The following PTPRR variants were observed in gnomAD, a reference collection of about 807,000 sequenced individuals.
PTPRR encodes protein tyrosine phosphatase receptor type R.
In PTPRR, 38 loss-of-function variants were observed where a neutral mutation model predicts 77.2. The observed-to-expected ratio is 0.49, with a 90% CI of 0.38 to 0.65. The LOEUF (loss-of-function observed/expected upper bound fraction) is 0.65. Ranked by LOEUF, PTPRR falls within the 30% of genes least tolerant of loss-of-function variation. The pLI, the probability that PTPRR is intolerant of heterozygous loss-of-function variation, is 0.00. For synonymous variants in PTPRR, 299 were observed against 283.1 expected (o/e 1.06, Z -0.57); for missense variants, 744 against 799.2 (o/e 0.93, Z 0.83).
intron 2 of PTPRR, among the ~76,000 whole-genome samples, chr12:70,837,245 A>G (rs1412326753): frequency 6.6e-6 from 1 of 152,080 alleles, no homozygotes; most frequent in Non-Finnish European, 1.5e-5. Flanking sequence ...CCTCACATCC[A>G]TGGATGTGGC....
chr12:70,773,739 T>C (rs1348837161), intron 2 of PTPRR, among the ~76,000 whole-genome samples: 1 of 152,242 alleles, frequency 6.6e-6, no homozygotes, highest in African/African-American at 2.4e-5. Flanking sequence ...CTTAACAGAA[T>C]GTTATCTTCT....
chr12:70,851,928 C>A (rs1351997479), intron 2 of PTPRR, among the ~76,000 whole-genome samples: 1 of 152,028 alleles, frequency 6.6e-6, no homozygotes, highest in African/African-American at 2.4e-5. Flanking sequence ...TTTTTACTTT[C>A]TTTTCATTAT....
At chr12:70,655,308 T>C (rs1216548727) in intron 13 of PTPRR, among the ~76,000 whole-genome samples, 1 of 152,230 alleles carries the variant, frequency 6.6e-6, no homozygotes, top group Non-Finnish European at 1.5e-5. Context: ...TGTAAAACAG[T>C]GCAGCCACTG....
At chr12:70,910,874 T>G (rs1379083453) in intron 1 of PTPRR, among the ~76,000 whole-genome samples, 3 of 152,164 alleles carry the variant, frequency 2.0e-5, no homozygotes, top group Non-Finnish European at 4.4e-5. Flanking sequence ...AGCTGCCAGA[T>G]GTGTCTCTGG....
chr12:70,790,247 G>C (rs1188305193), intron 2 of PTPRR, among the ~76,000 whole-genome samples: 1 of 151,670 alleles, frequency 6.6e-6, no homozygotes, highest in Non-Finnish European at 1.5e-5. Flanking sequence ...TTCTAATAAC[G>C]CTTTCCACCT....
chr12:70,892,952 A>G lies in PTPRR; in HGVS notation c.84T>C (p.His28=). The change falls in exon 2 of 14, where the codon CAT becomes CAC. Residue 28 remains histidine, a synonymous_variant. Transcript: ENST00000283228. ...TCTTCTTCTGATTAATTGCCAAAAA[A>G]TGATCATTGTTTCCTGAAAAGCACC... ...AAGCFSGNND[H]FLAINQKKSG... The G allele has an allele frequency of 1.9e-6, 3 of 1,612,924 alleles. No homozygotes were observed. The African/African-American group carries it at 4.0e-5, about 22-fold the overall frequency.
chr12:70,795,957 C>T (rs1592762227), intron 2 of PTPRR, among the ~76,000 whole-genome samples: 1 of 107,604 alleles, frequency 9.3e-6, no homozygotes, highest in African/African-American at 3.4e-5. Context: ...AGAGTCTTGC[C>T]CTGTGACCCA....
intron 2 of PTPRR, among the ~76,000 whole-genome samples, chr12:70,835,534 T>C (rs1352889009): frequency 6.6e-6 from 1 of 152,086 alleles, no homozygotes; most frequent in South Asian, 2.1e-4. Context: ...TCATGAGATA[T>C]TGTTACACTG....
At chr12:70,825,693 G>A (rs1014335300) in intron 2 of PTPRR, among the ~76,000 whole-genome samples, 1 of 152,168 alleles carries the variant, frequency 6.6e-6, no homozygotes, top group Non-Finnish European at 1.5e-5. Flanking sequence ...CTGTTGCACG[G>A]TGCTCCCTTG....
intron 2 of PTPRR, among the ~76,000 whole-genome samples, chr12:70,804,558 A>AG (rs1191653025): frequency 2.6e-5 from 4 of 152,126 alleles, no homozygotes; most frequent in Non-Finnish European, 5.9e-5. Flanking sequence ...GAAAAAAAAA[A>AG]GAAGACTCCT....
At chr12:70,686,747 T>C (rs1887884860) in intron 8 of PTPRR, among the ~76,000 whole-genome samples, 1 of 152,050 alleles carries the variant, frequency 6.6e-6, no homozygotes, top group African/African-American at 2.4e-5. Flanking sequence ...TAGAAGCAGA[T>C]CCCTCAGTGC....
At chr12:70,789,491 G>A (rs968311073) in intron 2 of PTPRR, among the ~76,000 whole-genome samples, 3 of 151,842 alleles carry the variant, frequency 2.0e-5, no homozygotes, top group African/African-American at 7.3e-5. Flanking sequence ...AACTAATCTG[G>A]GATTCAAATA....
rs143655234 is a variant in PTPRR at position 70,778,791 on chromosome 12, A to G, written c.358-14013T>C. Among the ~76,000 whole-genome samples the G allele has an allele frequency of 5.7e-4, 87 of 152,302 alleles. 1 individual carries two copies. Among genetic ancestry groups the G allele is most frequent in the Middle Eastern group, 6.8e-3 (2 of 294 alleles). Reference sequence around the variant, plus strand: ...ATGGACTGTCTTGATTGCATCAGACAGGAGATGACACAAAACTTGTGTTTA... The same window carrying G: ...ATGGACTGTCTTGATTGCATCAGACGGGAGATGACACAAAACTTGTGTTTA... On this transcript the variant is annotated intron_variant, in intron 2 of 13. Coordinates refer to ENST00000283228, the MANE Select transcript of PTPRR (RefSeq NM_002849.4).
chr12:70,680,258 T>C (rs1416768038), intron 10 of PTPRR, among the ~76,000 whole-genome samples: 1 of 152,224 alleles, frequency 6.6e-6, no homozygotes, highest in Non-Finnish European at 1.5e-5. Context: ...GGTCAGTTAC[T>C]GGAGGATTCT....
chr12:70,764,740 C>T lies in PTPRR; in HGVS notation c.396G>A (p.Leu132=). 6.2e-7 allele frequency: 1 copy of T among 1,614,114 alleles called. No individual in the cohort carries two copies. The part of the protein sequence containing the change: ...QMDVNKLNIT[L]LRIFRQGVAA... ...CCACTCCTTGGCGGAAGATCCGAAGCAAGGTTATGTTCAGCTTGTTTACAT... is the reference window on the plus strand; with the variant it reads ...CCACTCCTTGGCGGAAGATCCGAAGTAAGGTTATGTTCAGCTTGTTTACAT... Residue 132 remains leucine (L), a synonymous_variant, in exon 3 of 14, where the codon TTG becomes TTA. Coordinates refer to ENST00000283228, the MANE Select transcript of PTPRR (RefSeq NM_002849.4).
At chr12:70,680,379 AC>A (rs1203459327) in intron 10 of PTPRR, among the ~76,000 whole-genome samples, 2 of 152,104 alleles carry the variant, frequency 1.3e-5, no homozygotes, top group African/African-American at 4.8e-5. Context: ...TTATGGAGTG[AC>A]TTTTGAAGGG....
At chr12:70,828,928 CCTT>C (rs1246326702) in intron 2 of PTPRR, among the ~76,000 whole-genome samples, 1 of 152,092 alleles carries the variant, frequency 6.6e-6, no homozygotes, top group Non-Finnish European at 1.5e-5. Flanking sequence ...TTACTGCAAA[CCTT>C]CTATATTCCA....
chr12:70,919,384 G>GC (rs1206976759), intron 1 of PTPRR, among the ~76,000 whole-genome samples: 1 of 152,124 alleles, frequency 6.6e-6, no homozygotes, highest in Non-Finnish European at 1.5e-5. Context: ...AAATCTCCCT[G>GC]CCATATTTTA....
chr12:70,860,118 T>A lies in PTPRR; in HGVS notation c.357+32561A>T, dbSNP rs114912029. Among the ~76,000 whole-genome samples, 784 of 152,180 alleles carry A rather than the reference T, an allele frequency of 5.2e-3. 8 individuals carry two copies. Among genetic ancestry groups the A allele is most frequent in the African/African-American group, 0.018 (758 of 41,510 alleles). On this transcript the variant is annotated intron_variant, in intron 2 of 13. Transcript: ENST00000283228. The stretch of plus-strand genomic sequence containing the variant: ...ACTGGGATACTTTCTGGCAAAAGGA[T>A]ACAGTGACAGTTTTCAGTACTACAG...
Sources: allele counts gnomAD v4.1 joint callset (sites outside exome capture counted in the v4.1 genomes callset), GRCh38; gene constraint gnomAD v4.1.1; transcripts MANE v1.5; gene names NCBI Gene and HGNC (gene_info 2026-07-23, HGNC 2026-07-21).